ADAMTSL1: variants seen among roughly 807,000 people sequenced by gnomAD.
ADAMTSL1 encodes the protein ADAMTS-like protein 1.
A neutral mutation model predicts 201.8 loss-of-function variants in ADAMTSL1; 126 were observed. The observed-to-expected ratio is 0.62, with a 90% CI of 0.54 to 0.72. The LOEUF (loss-of-function observed/expected upper bound fraction) is 0.72, where lower values mean the gene tolerates loss of function less well. ADAMTSL1 is among the 30% of genes least tolerant of loss of function. The probability of loss-of-function intolerance (pLI) is 0.00; values close to 1 mark genes in which losing one functional copy is unlikely to be tolerated. For missense variants in ADAMTSL1, 2,679 were observed against 2,277.8 expected (o/e 1.18, Z -3.59); for synonymous variants, 1,121 against 903.4 (o/e 1.24, Z -4.32).
intron 1 of ADAMTSL1, among the ~76,000 whole-genome samples, chr9:18,141,877 T>A (rs572813017): frequency 6.6e-6 from 1 of 152,308 alleles, no homozygotes; most frequent in South Asian, 2.1e-4. Context: ...CACAAACCAC[T>A]GTGCAGCTGT....
chr9:18,248,950 G>A (rs1831363509), intron 2 of ADAMTSL1, among the ~76,000 whole-genome samples: 1 of 152,160 alleles, frequency 6.6e-6, no homozygotes, highest in African/African-American at 2.4e-5. Flanking sequence ...TGTGAATGTA[G>A]CACCGTTCTG....
intron 2 of ADAMTSL1, among the ~76,000 whole-genome samples, chr9:18,287,722 G>A (rs891243356): frequency 2.7e-4 from 24 of 90,518 alleles, no homozygotes; most frequent in African/African-American, 8.5e-4. Context: ...ACATATATAT[G>A]TGAGTATCCC....
rs191560107 is a variant in ADAMTSL1, at chr9:18,424,827, T to C, written c.208-80002T>C. Among the ~76,000 whole-genome samples, 167 of 152,332 alleles carry C rather than the reference T, an allele frequency of 1.1e-3. 1 individual carries two copies. The highest frequency in any genetic ancestry group is 3.7e-3 in the African/African-American group (154 of 41,574). On this transcript the variant is annotated intron_variant, in intron 2 of 29. Coordinates refer to the ADAMTSL1 transcript ENST00000680146. ...GGAAGTGTTCTACAGCCAGCCTTTCTGACCCACTAGGCTCTTTCATACTGT... is the reference window on the plus strand; with the variant it reads ...GGAAGTGTTCTACAGCCAGCCTTTCCGACCCACTAGGCTCTTTCATACTGT...
rs1833428694 is a variant in ADAMTSL1 at position 18,295,182 on chromosome 9, G to A, written c.207+131201G>A. On this transcript the variant is annotated intron_variant, in intron 2 of 29. Coordinates refer to the ADAMTSL1 transcript ENST00000680146. The stretch of plus-strand genomic sequence containing the variant: ...CGCAACTTTGCAACCCAAAAGTGAT[G>A]AGTTCATTAATTGTGGCAATGAGGG... 3.3e-5 allele frequency among the ~76,000 whole-genome samples: 5 copies of A among 152,070 alleles called. 1 individual carries two copies. The highest frequency in any genetic ancestry group is 2.6e-4 in the Admixed American group (4 of 15,264).
At chr9:18,332,993 T>C (rs544723702) in intron 2 of ADAMTSL1, among the ~76,000 whole-genome samples, 1 of 152,318 alleles carries the variant, frequency 6.6e-6, no homozygotes, top group East Asian at 1.9e-4. Flanking sequence ...CCAACCATTG[T>C]TGGCACCTAG....
chr9:18,387,518 T>C (rs960046366), intron 2 of ADAMTSL1, among the ~76,000 whole-genome samples: 8 of 152,206 alleles, frequency 5.3e-5, no homozygotes, highest in African/African-American at 1.7e-4. Flanking sequence ...ATAAATCATA[T>C]ATAGTATTAA....
intron 1 of ADAMTSL1, among the ~76,000 whole-genome samples, chr9:17,986,907 T>C (rs1270102556): frequency 1.3e-5 from 2 of 152,124 alleles, no homozygotes; most frequent in East Asian, 3.9e-4. Context: ...TGCTAAAATG[T>C]AAATGTGTGC....
intron 3 of ADAMTSL1, among the ~76,000 whole-genome samples, chr9:18,557,854 T>G (rs1821197666): frequency 6.6e-6 from 1 of 152,054 alleles, no homozygotes. Context: ...CTTTTTTTTC[T>G]ATTTAGCATG....
At chr9:18,888,263 G>T (rs1422575537) in intron 24 of ADAMTSL1, among the ~76,000 whole-genome samples, 1 of 152,212 alleles carries the variant, frequency 6.6e-6, no homozygotes, top group Non-Finnish European at 1.5e-5. Flanking sequence ...GGAAAAGCCA[G>T]TGCTGCCTTC....
intron 2 of ADAMTSL1, among the ~76,000 whole-genome samples, chr9:18,370,544 A>G (rs909121843): frequency 1.3e-5 from 2 of 152,298 alleles, no homozygotes; most frequent in African/African-American, 4.8e-5. Flanking sequence ...AATAAATGAT[A>G]GCTGTTCATA....
intron 4 of ADAMTSL1, among the ~76,000 whole-genome samples, chr9:18,583,894 C>G (rs1051391160): frequency 6.6e-6 from 1 of 152,154 alleles, no homozygotes; most frequent in African/African-American, 2.4e-5. Flanking sequence ...CTGTATTTAC[C>G]AAATGCCTGT....
chr9:18,864,033 T>C (rs575630929), intron 23 of ADAMTSL1, among the ~76,000 whole-genome samples: 1 of 152,338 alleles, frequency 6.6e-6, no homozygotes, highest in East Asian at 1.9e-4. Flanking sequence ...GCTCATGAAG[T>C]AATAATGCCA....
chr9:17,936,969 C>T (rs539997299), intron 1 of ADAMTSL1, among the ~76,000 whole-genome samples: 1 of 152,114 alleles, frequency 6.6e-6, no homozygotes, highest in African/African-American at 2.4e-5. Context: ...GGTTTTGTAC[C>T]TGCCAGCCAT....
chr9:18,885,915 T>C (rs1175346413), intron 23 of ADAMTSL1, among the ~76,000 whole-genome samples: 1 of 151,946 alleles, frequency 6.6e-6, no homozygotes, highest in African/African-American at 2.4e-5. Context: ...TGTTTCTTCC[T>C]CTAGTGGTGA....
intron 15 of ADAMTSL1, among the ~76,000 whole-genome samples, chr9:18,746,547 C>T (rs1325808729): frequency 6.6e-6 from 1 of 152,178 alleles, no homozygotes; most frequent in African/African-American, 2.4e-5. Context: ...ACCAAAACTT[C>T]ATTTTACATT....
chr9:18,222,777 C>G (rs1267117884), intron 2 of ADAMTSL1, among the ~76,000 whole-genome samples: 1 of 151,366 alleles, frequency 6.6e-6, no homozygotes, highest in African/African-American at 2.4e-5. Context: ...AATTGTTTGC[C>G]TGCAAAAACA....
At chr9:18,819,619 C>G (rs1211665652) in intron 21 of ADAMTSL1, among the ~76,000 whole-genome samples, 1 of 152,192 alleles carries the variant, frequency 6.6e-6, no homozygotes, top group Non-Finnish European at 1.5e-5. Flanking sequence ...AGGGCCCTCT[C>G]TCTGGGACTT....
chr9:18,760,211 C>G (rs1819994810), intron 16 of ADAMTSL1, among the ~76,000 whole-genome samples: 1 of 152,166 alleles, frequency 6.6e-6, no homozygotes. Context: ...ATCCTTCACG[C>G]TTTGTCAACA....
At position 18,216,607 on chromosome 9, in the gene ADAMTSL1, C is replaced by G. The variant is rs1224650661; in HGVS notation, c.207+52626C>G. Among the ~76,000 whole-genome samples, 3 of 150,452 alleles carry G rather than the reference C, an allele frequency of 2.0e-5. No homozygotes were observed. The East Asian group carries it at 5.9e-4, about 30-fold the overall frequency. ...CCAGCATAAGCCAGCCCTTACATAA[C>G]AGATTTGGGCACGCAGCAGTGACAT... On this transcript the variant is annotated intron_variant, in intron 2 of 29. Transcript: ENST00000680146.
Sources: gnomAD v4.1 joint callset for allele counts (sites outside exome capture counted in the v4.1 genomes callset) on GRCh38, gnomAD v4.1.1 for gene constraint, MANE v1.5 for transcripts, NCBI Gene and HGNC (gene_info 2026-07-23, HGNC 2026-07-21) for gene names.